Variants in ASL observed in about 807,000 individuals in gnomAD.
The protein encoded by ASL is argininosuccinase.
ASL carries 51 observed loss-of-function variants against 69.1 expected under a neutral mutation model. That is an observed-to-expected ratio of 0.74 (90% CI 0.59 to 0.93). The LOEUF is 0.93. Ranked by LOEUF, ASL falls within the 40% of genes least tolerant of loss-of-function variation. The pLI is 0.00. For synonymous variants in ASL, 241 were observed against 247.6 expected (o/e 0.97, Z 0.25); for missense variants, 540 against 623.9 (o/e 0.87, Z 1.43).
At chr7:66,081,697 A>G in intron 2 of ASL, 106 bp from the exon 3 acceptor site, 1 of 1,340,418 alleles carries the variant, frequency 7.5e-7, no homozygotes, top group Non-Finnish European at 1.0e-6. Flanking sequence ...GAATGATCTG[A>G]TGCCCCTGCT....
Position 66,089,189 on chromosome 7 carries a change from G to T in ASL, c.918+14G>T, listed in dbSNP as rs777809575. 5 of 1,613,560 alleles carry T rather than the reference G, an allele frequency of 3.1e-6. No individual in the cohort carries two copies. Among genetic ancestry groups the T allele is most frequent in the Non-Finnish European group, 4.2e-6 (5 of 1,179,880 alleles). On this transcript the variant is annotated intron_variant, in intron 12 of 16. Transcript: ENST00000304874. ...GTGTTTGGGCGGGTGAGCAAGGCAGGGGGAGGGGCGGGGCCTCTGGGCTGA... is the reference window on the plus strand; with the variant it reads ...GTGTTTGGGCGGGTGAGCAAGGCAGTGGGAGGGGCGGGGCCTCTGGGCTGA...
In ASL at chr7:66,089,100, C is replaced by T. The variant is rs2115741445; in HGVS notation, c.843C>T (p.Ser281=). 2 of 1,613,976 alleles carry T rather than the reference C, an allele frequency of 1.2e-6. No individual in the cohort carries two copies. Among genetic ancestry groups the T allele is most frequent in the South Asian group, 1.1e-5 (1 of 91,086 alleles). ...VQLSDAYSTG[S]SLMPQKKNPD... ...GCACCTCTGTCCCCAGCACGGGAAG[C>T]AGCCTGATGCCCCAGAAGAAAAACC... Residue 281 remains serine, a synonymous_variant, in exon 12 of 17, where the codon AGC becomes AGT. Coordinates refer to ENST00000304874, the MANE Select transcript of ASL (RefSeq NM_000048.4).
In ASL at chr7:66,082,571, A is replaced by G. The variant is rs534406964; in HGVS notation, c.291+120A>G. On this transcript the variant is annotated intron_variant, in intron 4 of 16. Transcript: ENST00000304874. ...ATTGGCAGACAGCATGTGAGACCTC[A>G]GGACATGAGCCAGGCACCCTGGCTC... 15 of 1,197,366 alleles carry G rather than the reference A, an allele frequency of 1.3e-5. No homozygotes were observed. In the East Asian group the frequency reaches 2.6e-4, roughly 20 times the overall value. The allele number at this position is 1,197,366 out of a possible 1,614,324, so 74.2% of individuals were successfully genotyped here. A position where few individuals can be genotyped will look rare whatever the true frequency, so the allele number is the denominator to read the frequency against.
In ASL at chr7:66,082,892, G is replaced by GC; in HGVS notation, c.305dup (p.Thr103AsnfsTer13). The GC allele has an allele frequency of 1.2e-6, 2 of 1,613,770 alleles. No homozygotes were observed. Among genetic ancestry groups the GC allele is most frequent in the Non-Finnish European group, 1.7e-6 (2 of 1,179,990 alleles). ...CCTTCACCTCCAGGAGCTCATTGGT[G>GC]CAACGGCAGGGAAGCTGCACACGGG... On this transcript the variant is annotated frameshift_variant, in exon 5 of 17. Transcript: ENST00000304874. LOFTEE classifies it high-confidence loss of function.
intron 2 of ASL, among the ~76,000 whole-genome samples, chr7:66,077,835 C>CG (rs1177190203): frequency 6.6e-6 from 1 of 152,166 alleles, no homozygotes; most frequent in African/African-American, 2.4e-5. Flanking sequence ...AGTGCCCCAT[C>CG]CCCTGGCCCT....
chr7:66,089,319 A>G lies in ASL; in HGVS notation c.962A>G (p.Tyr321Cys), dbSNP rs1786772023. ...LMTLKGLPST[Y>C]NKDLQEDKEA... ...ACCCTCAAGGGACTTCCCAGCACCTACAACAAAGACTTACAGGTGCGAGGC... is the reference window on the plus strand; with the variant it reads ...ACCCTCAAGGGACTTCCCAGCACCTGCAACAAAGACTTACAGGTGCGAGGC... Residue 321 changes from tyrosine to cysteine, a missense_variant, in exon 13 of 17, where the codon TAC (tyrosine) becomes TGC (cysteine). Physicochemically the swap from Tyr to Cys is radical, Grantham distance 194. Transcript: ENST00000304874. 1.9e-6 allele frequency: 3 copies of G among 1,608,072 alleles called. No homozygotes were observed. In the African/African-American group the frequency reaches 4.0e-5, roughly 21 times the overall value.
intron 4 of ASL, 135 bp downstream of exon 4, chr7:66,082,586 C>T (rs1162333256): frequency 1.9e-6 from 2 of 1,053,586 alleles, no homozygotes; most frequent in South Asian, 1.4e-5. Context: ...ATGAGCCAGG[C>T]ACCCTGGCTC....
chr7:66,092,461 GAAA>G (rs67457607), intron 15 of ASL, 93 bp from the exon 16 acceptor site: 1,945 of 981,664 alleles, frequency 2.0e-3, no homozygotes, highest in Middle Eastern at 3.3e-3. Flanking sequence ...GTGTCAAAAA[GAAA>G]AAAAAAAAAA....
intron 2 of ASL, 149 bp from the exon 3 acceptor site, chr7:66,081,654 G>C (rs1399780264): frequency 4.4e-6 from 4 of 904,940 alleles, no homozygotes; most frequent in Non-Finnish European, 6.6e-6. Context: ...TGGTGACTCT[G>C]GGAAGGTCTC....
In ASL at chr7:66,086,765, A is replaced by T; in HGVS notation, c.546A>T (p.Arg182=). Reference sequence around the variant, plus strand: ...ACAGCCACGCCGTGGCACTGACCCGAGACTCTGAGCGGCTGCTGGAGGTGC... The same window carrying T: ...ACAGCCACGCCGTGGCACTGACCCGTGACTCTGAGCGGCTGCTGGAGGTGC... ...WILSHAVALT[R]DSERLLEVRK... The change falls in exon 8 of 17, where the codon CGA becomes CGT. Residue 182 remains arginine (R), a synonymous_variant. Coordinates refer to ENST00000304874, the MANE Select transcript of ASL (RefSeq NM_000048.4). The T allele has an allele frequency of 6.2e-7, 1 of 1,603,578 alleles. No individual in the cohort carries two copies. The highest frequency in any genetic ancestry group is 1.1e-5 in the South Asian group (1 of 89,820).
chr7:66,092,009 C>G lies in ASL; in HGVS notation c.1066C>G (p.His356Asp), dbSNP rs1388056757. 6.2e-7 allele frequency: 1 copy of G among 1,613,606 alleles called. No individual in the cohort carries two copies. The highest frequency in any genetic ancestry group is 1.7e-5 in the Admixed American group (1 of 60,016). The part of the protein sequence containing the change: ...ATGVISTLQI[H>D]QENMGQALSP... ...ACTCGCCCACCTGTGCCCCCAGATT[C>G]ACCAAGAGAACATGGGACAGGCTCT... Residue 356 changes from histidine to aspartate, a missense_variant, in exon 15 of 17, where the codon CAC becomes GAC. Transcript: ENST00000304874.
rs756614378 is a variant in ASL at position 66,087,396 on chromosome 7, C to G, written c.655+10C>G. The G allele has an allele frequency of 6.2e-7, 1 of 1,606,914 alleles. No individual in the cohort carries two copies. Among genetic ancestry groups the G allele is most frequent in the Non-Finnish European group, 8.5e-7 (1 of 1,179,912 alleles). On this transcript the variant is annotated intron_variant, in intron 9 of 16. Transcript: ENST00000304874. Reference sequence around the variant, plus strand: ...GAGCTGCTCCGAGCAGGTGAGACGTCCTGCCCCTCCTCCCCAGGGAGAATC... The same window carrying G: ...GAGCTGCTCCGAGCAGGTGAGACGTGCTGCCCCTCCTCCCCAGGGAGAATC...
chr7:66,081,751 C>T, intron 2 of ASL, 52 bp from the exon 3 acceptor site: 1 of 1,571,954 alleles, frequency 6.4e-7, no homozygotes, highest in Non-Finnish European at 8.7e-7. Flanking sequence ...TTGCAAGAAG[C>T]ACTGTTCTGG....
chr7:66,087,990 C>T (rs556345668), intron 10 of ASL, among the ~76,000 whole-genome samples, 199 bp downstream of exon 10: 3 of 152,078 alleles, frequency 2.0e-5, no homozygotes, highest in Admixed American at 2.0e-4. Flanking sequence ...GGTGAAACCC[C>T]ATCTCTACTA....
At chr7:66,078,133 C>A (rs772119138) in intron 2 of ASL, among the ~76,000 whole-genome samples, 1 of 152,192 alleles carries the variant, frequency 6.6e-6, no homozygotes, top group Non-Finnish European at 1.5e-5. Context: ...ATTTTTATTA[C>A]TAACAACCTA....
At position 66,081,852 on chromosome 7, in the gene ASL, T is replaced by C. The variant is rs774392615; in HGVS notation, c.62T>C (p.Met21Thr). The C allele has an allele frequency of 1.4e-5, 22 of 1,613,898 alleles. No individual in the cohort carries two copies. The highest frequency in any genetic ancestry group is 4.0e-5 in the African/African-American group (3 of 74,926). The stretch of plus-strand genomic sequence containing the variant: ...TTTGTGGGTGCAGTGGACCCCATCA[T>C]GGAGAAGTTCAACGCGTCCATTGCC... The part of the protein sequence containing the change: ...GRFVGAVDPI[M>T]EKFNASIAYD... The change falls in exon 3 of 17, where the codon ATG becomes ACG. Residue 21 changes from methionine to threonine, a missense_variant. Physicochemically the swap from Met to Thr is moderately conservative, Grantham distance 81. Coordinates refer to ENST00000304874, the MANE Select transcript of ASL (RefSeq NM_000048.4).
chr7:66,086,422 C>T (rs1786663194), intron 6 of ASL, among the ~76,000 whole-genome samples, 163 bp from the exon 7 acceptor site: 1 of 152,190 alleles, frequency 6.6e-6, no homozygotes, highest in African/African-American at 2.4e-5. Flanking sequence ...TTCTTTTGCC[C>T]TTAAGACTGA....
At chr7:66,086,452 C>G in intron 6 of ASL, 133 bp from the exon 7 acceptor site, 1 of 946,210 alleles carries the variant, frequency 1.1e-6, no homozygotes, top group Non-Finnish European at 1.7e-6. Flanking sequence ...GGGAGATCAC[C>G]AGATCCCTCA....
intron 2 of ASL, among the ~76,000 whole-genome samples, chr7:66,080,916 G>A (rs1786486266): frequency 6.6e-6 from 1 of 152,134 alleles, no homozygotes; most frequent in South Asian, 2.1e-4. Context: ...AGAGTTGCAG[G>A]GCACTTAAGC....
Sources: allele counts gnomAD v4.1 joint callset (sites outside exome capture counted in the v4.1 genomes callset), GRCh38; gene constraint gnomAD v4.1.1; transcripts MANE v1.5; gene names NCBI Gene and HGNC (gene_info 2026-07-23, HGNC 2026-07-21).